ZMIZ1: variants seen among roughly 807,000 people sequenced by gnomAD.
The protein encoded by ZMIZ1 is zinc finger MIZ domain-containing protein 1.
Under a neutral mutation model 113.9 loss-of-function variants are expected in ZMIZ1, and 17 were observed. The ratio of observed to expected loss-of-function variants is 0.15; its 90% CI spans 0.10 to 0.22. The LOEUF (loss-of-function observed/expected upper bound fraction) is 0.22, where lower values mean the gene tolerates loss of function less well. Among genes scored for constraint, ZMIZ1 ranks in the 10% least tolerant of loss-of-function variants. ZMIZ1 has a pLI of 1.00. For synonymous variants in ZMIZ1, 607 were observed against 603.1 expected, an observed-to-expected ratio of 1.01 and a Z score of -0.09; for missense variants, 1,059 against 1,477.8, an observed-to-expected ratio of 0.72 and a Z score of 4.65.
intron 2 of ZMIZ1, among the ~76,000 whole-genome samples, chr10:79,125,643 TC>T (rs1161187109): frequency 1.3e-5 from 2 of 152,220 alleles, no homozygotes; most frequent in Non-Finnish European, 2.9e-5. Context: ...GTGCCTGTGT[TC>T]CTAGGTCTGA....
At position 79,069,838 on chromosome 10, in the gene ZMIZ1, G is replaced by A. The variant is rs1249078727; in HGVS notation, c.-337+568G>A. ...TGGGAGGTGGGGGCGCGGTTAAGTT[G>A]TTTGTGTGGGAATTGCCCGGGGAAA... On this transcript the variant is annotated intron_variant, in intron 1 of 24. Transcript: ENST00000334512. This position sits in a 1 kb window ranked among gnomAD's most constrained non-coding sequence, Gnocchi z 4.6. 6.6e-6 allele frequency among the ~76,000 whole-genome samples: 1 copy of A among 151,972 alleles called. No individual in the cohort carries two copies. The highest frequency in any genetic ancestry group is 1.5e-5 in the Non-Finnish European group (1 of 67,978).
intron 8 of ZMIZ1, among the ~76,000 whole-genome samples, chr10:79,286,542 C>G (rs1853093962): frequency 1.3e-5 from 2 of 152,276 alleles, no homozygotes; most frequent in South Asian, 4.1e-4. Context: ...TTCCCCAGTG[C>G]ACGGGCAGCA....
At chr10:79,181,516 C>A (rs578092309) in intron 4 of ZMIZ1, among the ~76,000 whole-genome samples, 136 of 152,312 alleles carry the variant, frequency 8.9e-4, no homozygotes, top group Non-Finnish European at 1.5e-3. Flanking sequence ...CCGGCTGCAA[C>A]CAGACCCCAG....
At position 79,278,578 on chromosome 10, in the gene ZMIZ1, T is replaced by C. The variant is rs547687971; in HGVS notation, c.425+1253T>C. On this transcript the variant is annotated intron_variant, in intron 8 of 24. Transcript: ENST00000334512. Reference sequence around the variant, plus strand: ...GTCTCTGGTTTTCCTAGGCAGAGGGTCCTGCCGCCCTCCGCAGTGTTTGTG... The same window carrying C: ...GTCTCTGGTTTTCCTAGGCAGAGGGCCCTGCCGCCCTCCGCAGTGTTTGTG... 6.5e-3 allele frequency among the ~76,000 whole-genome samples: 953 copies of C among 145,680 alleles called. 5 individuals are homozygous for C. Among genetic ancestry groups the C allele is most frequent in the Middle Eastern group, 0.011 (3 of 272 alleles).
At chr10:79,284,575 G>A (rs1343437686) in intron 8 of ZMIZ1, among the ~76,000 whole-genome samples, 1 of 152,216 alleles carries the variant, frequency 6.6e-6, no homozygotes, top group East Asian at 1.9e-4. Flanking sequence ...TGGAGAGAAA[G>A]GTGTAAGTAC....
At chr10:79,262,128 C>T (rs1043099028) in intron 7 of ZMIZ1, among the ~76,000 whole-genome samples, 2 of 152,204 alleles carry the variant, frequency 1.3e-5, no homozygotes, top group Non-Finnish European at 2.9e-5. Flanking sequence ...GAATGTTTCC[C>T]CCCTCATCTT....
rs746182684 is a variant in ZMIZ1 at position 79,293,430 on chromosome 10, C to T, written c.1007C>T (p.Pro336Leu). ...AGCCAATTCATGAACCAGCCCGGGC[C>T]GCGGGGGCCTGCCTCCATGGGGGGC... is the stretch of plus-strand genomic sequence containing the variant. ...YNSQFMNQPG[P>L]RGPASMGGSM... The change falls in exon 12 of 25, where the codon CCG (proline) becomes CTG (leucine). Residue 336 changes from proline to leucine, a missense_variant. Physicochemically the swap from Pro to Leu is moderately conservative, Grantham distance 98. This residue lies in a region of ZMIZ1 where 83 missense variants were observed against 103.7 expected (regional missense o/e 0.80). Coordinates refer to ENST00000334512, the MANE Select transcript of ZMIZ1 (RefSeq NM_020338.4). The T allele has an allele frequency of 5.9e-6, 9 of 1,527,324 alleles. No homozygotes were observed. Among genetic ancestry groups the T allele is most frequent in the Middle Eastern group, 1.8e-4 (1 of 5,622 alleles). The allele number at this position is 1,527,324 out of a possible 1,614,324, so 94.6% of individuals were successfully genotyped here.
In ZMIZ1 at chr10:79,297,655, A is replaced by G; in HGVS notation, c.1456A>G (p.Ser486Gly). The change falls in exon 14 of 25, where the codon AGC becomes GGC. Residue 486 changes from serine to glycine, a missense_variant. Coordinates refer to ENST00000334512, the MANE Select transcript of ZMIZ1 (RefSeq NM_020338.4). Reference sequence around the variant, plus strand: ...ACAAAATAACACGTTCTCGGGAAGCAGCTACAGTAACTACAGCCAAGGGAA... The same window carrying G: ...ACAAAATAACACGTTCTCGGGAAGCGGCTACAGTAACTACAGCCAAGGGAA... The part of the protein sequence containing the change: ...NGQNNTFSGS[S>G]YSNYSQGNVN... 1 of 1,614,178 alleles carries G rather than the reference A, an allele frequency of 6.2e-7. No individual in the cohort carries two copies. The highest frequency in any genetic ancestry group is 8.5e-7 in the Non-Finnish European group (1 of 1,180,004).
chr10:79,258,245 G>T (rs1173099286), intron 7 of ZMIZ1, among the ~76,000 whole-genome samples: 1 of 152,150 alleles, frequency 6.6e-6, no homozygotes, highest in East Asian at 1.9e-4. Flanking sequence ...TTAGCCAGGG[G>T]TGGTTATGCA....
chr10:79,227,340 G>A (rs1489823048), intron 7 of ZMIZ1, among the ~76,000 whole-genome samples: 3 of 152,350 alleles, frequency 2.0e-5, no homozygotes, highest in Middle Eastern at 3.4e-3. Flanking sequence ...GAATAGCAGA[G>A]AGCCTGGGTC....
intron 19 of ZMIZ1, among the ~76,000 whole-genome samples, chr10:79,304,403 C>T (rs1423141695): frequency 6.6e-6 from 1 of 152,258 alleles, no homozygotes; most frequent in Non-Finnish European, 1.5e-5. Flanking sequence ...ACAGCCCCTG[C>T]CCTGGCAGAT....
intron 2 of ZMIZ1, among the ~76,000 whole-genome samples, chr10:79,135,811 G>C (rs1844976618): frequency 6.6e-6 from 1 of 152,140 alleles, no homozygotes; most frequent in South Asian, 2.1e-4. Flanking sequence ...GGGTTCTGAG[G>C]GTCATGTGCA....
Position 79,085,484 on chromosome 10 carries a change from C to T in ZMIZ1, c.-337+16214C>T, listed in dbSNP as rs371639149. Among the ~76,000 whole-genome samples the T allele has an allele frequency of 2.1e-4, 32 of 152,308 alleles. No individual in the cohort carries two copies. In the East Asian group the frequency reaches 6.2e-3, roughly 29 times the overall value. On this transcript the variant is annotated intron_variant, in intron 1 of 24. Transcript: ENST00000334512. ...TGACTCCTGCCTGGCACTCAGGTGCCGTCTGGCCTGCACCAGACCCAGAAA... is the reference window on the plus strand; with the variant it reads ...TGACTCCTGCCTGGCACTCAGGTGCTGTCTGGCCTGCACCAGACCCAGAAA...
intron 1 of ZMIZ1, among the ~76,000 whole-genome samples, chr10:79,071,553 C>G (rs1416186213): frequency 6.6e-6 from 1 of 152,148 alleles, no homozygotes; most frequent in Non-Finnish European, 1.5e-5. Context: ...AGAGCAAGCT[C>G]TTTCTTAGCC....
At chr10:79,163,191 T>C (rs1241486348) in intron 4 of ZMIZ1, among the ~76,000 whole-genome samples, 1 of 152,222 alleles carries the variant, frequency 6.6e-6, no homozygotes, top group Non-Finnish European at 1.5e-5. Context: ...AGCTGTCTCC[T>C]AACATCCCCT....
intron 7 of ZMIZ1, among the ~76,000 whole-genome samples, chr10:79,230,096 TG>T (rs1849335334): frequency 6.6e-6 from 1 of 152,158 alleles, no homozygotes; most frequent in South Asian, 2.1e-4. Flanking sequence ...TAGGTTGCCC[TG>T]GGAGGCTCCG....
chr10:79,237,059 TC>T (rs1849619200), intron 7 of ZMIZ1, among the ~76,000 whole-genome samples: 1 of 151,788 alleles, frequency 6.6e-6, no homozygotes, highest in African/African-American at 2.4e-5. Flanking sequence ...AGTCAAGGGG[TC>T]CCCCGAGGGA....
chr10:79,097,225 C>T (rs968411369), intron 1 of ZMIZ1, among the ~76,000 whole-genome samples: 3 of 152,234 alleles, frequency 2.0e-5, no homozygotes, highest in African/African-American at 7.2e-5. Flanking sequence ...GCACATGACA[C>T]ATGACATCAC....
chr10:79,104,649 G>A (rs1053759065), intron 1 of ZMIZ1, among the ~76,000 whole-genome samples: 1 of 152,114 alleles, frequency 6.6e-6, no homozygotes, highest in Admixed American at 6.5e-5. Context: ...TTCAGGGGAG[G>A]GCTCTTTTGC....
Sources: gnomAD v4.1 joint callset for allele counts (sites outside exome capture counted in the v4.1 genomes callset) on GRCh38, gnomAD v4.1.1 for gene constraint, gnomAD v4.1.1 regional missense constraint, Gnocchi (gnomAD v3.1) non-coding constraint, MANE v1.5 for transcripts, NCBI Gene and HGNC (gene_info 2026-07-23, HGNC 2026-07-21) for gene names.